The following SCO1 variants were observed in gnomAD, a reference collection of about 807,000 sequenced individuals.
SCO1 encodes cytochrome c oxidase assembly factor SCO1.
In SCO1, 23 loss-of-function variants were observed where a neutral mutation model predicts 34.0. The observed-to-expected ratio is 0.68, with a 90% CI of 0.49 to 0.96. SCO1 has a LOEUF of 0.96. Among genes scored for constraint, SCO1 ranks in the 40% least tolerant of loss-of-function variants. The pLI is 0.00. For synonymous variants in SCO1, 161 were observed against 145.5 expected, an observed-to-expected ratio of 1.11 and a Z score of -0.77; for missense variants, 404 against 381.6, an observed-to-expected ratio of 1.06 and a Z score of -0.49.
chr17:10,672,705 T>C lies in SCO1; in HGVS notation c.*8414A>G, dbSNP rs1467853606. 6.6e-6 allele frequency: 1 copy of C among 152,242 alleles called. No individual in the cohort carries two copies. The highest frequency in any genetic ancestry group is 1.9e-4 in the East Asian group (1 of 5,200). 9.4% of individuals were successfully genotyped at this position (152,242 alleles called of 1,614,324 possible). A position where few individuals can be genotyped will look rare whatever the true frequency, so the allele number is the denominator to read the frequency against. On this transcript the variant is annotated 3_prime_UTR_variant, in exon 6 of 6. Coordinates refer to ENST00000255390, the MANE Select transcript of SCO1 (RefSeq NM_004589.4). ...TCAGGAGAAAACTGACATATTTACATTGAGTCTTCTCACCAAGGAACAAAC... is the reference window on the plus strand; with the variant it reads ...TCAGGAGAAAACTGACATATTTACACTGAGTCTTCTCACCAAGGAACAAAC...
chr17:10,697,274 C>G lies in SCO1; in HGVS notation c.234G>C (p.Gln78His). 2 of 1,567,432 alleles carry G rather than the reference C, an allele frequency of 1.3e-6. No homozygotes were observed. The highest frequency in any genetic ancestry group is 2.3e-5 in the South Asian group (2 of 85,748). The change falls in exon 1 of 6, where the codon CAG (glutamine) becomes CAC (histidine). Residue 78 changes from glutamine to histidine, a missense_variant. Gln to His is a conservative substitution (Grantham distance 24, BLOSUM62 0). Transcript: ENST00000255390. The part of the protein sequence containing the change: ...STARPPPPWS[Q>H]KGPGDSTRPS... ...GGCGCGTGGAGTCTCCGGGGCCCTT[C>G]TGCGACCACGGGGGTGGCGGCCTCG...
chr17:10,674,411 A>G lies in SCO1; in HGVS notation c.*6708T>C. ...ACTGCTCTCCAGCCTAGGCAACAAG[A>G]GCGAAACTCCATCTCAAAACAAACA... On this transcript the variant is annotated 3_prime_UTR_variant, in exon 6 of 6. Coordinates refer to ENST00000255390, the MANE Select transcript of SCO1 (RefSeq NM_004589.4). 3.5e-6 allele frequency: 1 copy of G among 283,728 alleles called. No homozygotes were observed. The highest frequency in any genetic ancestry group is 7.0e-6 in the Non-Finnish European group (1 of 142,394). The allele number at this position is 283,728 out of a possible 1,614,324, so 17.6% of individuals were successfully genotyped here. A position where few individuals can be genotyped will look rare whatever the true frequency, so the allele number is the denominator to read the frequency against.
At chr17:10,693,415 A>G (rs2074702316) in intron 2 of SCO1, among the ~76,000 whole-genome samples, 1 of 152,200 alleles carries the variant, frequency 6.6e-6, no homozygotes, top group African/African-American at 2.4e-5. Context: ...GATGAAATAA[A>G]TGAGTATATT....
Position 10,695,737 on chromosome 17 carries a change from T to C in SCO1, c.364+4A>G. 6.3e-7 allele frequency: 1 copy of C among 1,599,714 alleles called. No individual in the cohort carries two copies. The highest frequency in any genetic ancestry group is 2.2e-5 in the East Asian group (1 of 44,782). Reference sequence around the variant, plus strand: ...CAGGGCTGAGCAGATGATAATCTACTTACTCTCTGCCTTTTCTTTCTTGAC... The same window carrying C: ...CAGGGCTGAGCAGATGATAATCTACCTACTCTCTGCCTTTTCTTTCTTGAC... On this transcript the variant is annotated splice_donor_region_variant and intron_variant, in intron 2 of 5. Transcript: ENST00000255390.
intron 5 of SCO1, among the ~76,000 whole-genome samples, chr17:10,685,631 G>A (rs2074650975): frequency 1.3e-5 from 2 of 152,174 alleles, no homozygotes; most frequent in South Asian, 4.1e-4. Flanking sequence ...TAGTCAATGG[G>A]CAAATAAACC....
chr17:10,691,388 T>C (rs1039269811), intron 4 of SCO1, among the ~76,000 whole-genome samples: 2 of 152,340 alleles, frequency 1.3e-5, no homozygotes, highest in Non-Finnish European at 2.9e-5. Flanking sequence ...CCCAAAGTGC[T>C]GGGATTACAG....
At chr17:10,689,874 A>G (rs994282497) in intron 4 of SCO1, among the ~76,000 whole-genome samples, 5 of 152,326 alleles carry the variant, frequency 3.3e-5, no homozygotes, top group African/African-American at 1.2e-4. Flanking sequence ...ACACAGACCA[A>G]TGGAACAGAA....
At position 10,697,462 on chromosome 17, in the gene SCO1, C is replaced by T. The variant is rs2074739161; in HGVS notation, c.46G>A (p.Gly16Ser). 1.2e-6 allele frequency: 2 copies of T among 1,613,354 alleles called. No individual in the cohort carries two copies. The highest frequency in any genetic ancestry group is 1.7e-6 in the Non-Finnish European group (2 of 1,179,878). ...LVPGRVMRPL[G>S]GQLWRFLPRG... ...GGCAAGAAGCGCCAAAGTTGGCCACCCAGAGGCCGCATAACTCGTCCGGGT... is the reference window on the plus strand; with the variant it reads ...GGCAAGAAGCGCCAAAGTTGGCCACTCAGAGGCCGCATAACTCGTCCGGGT... Residue 16 changes from glycine to serine, a missense_variant, in exon 1 of 6, where the codon GGT becomes AGT. Physicochemically the swap from Gly to Ser is moderately conservative, Grantham distance 56. Coordinates refer to ENST00000255390, the MANE Select transcript of SCO1 (RefSeq NM_004589.4).
At chr17:10,688,243 T>C (rs2074669020) in intron 4 of SCO1, among the ~76,000 whole-genome samples, 1 of 152,180 alleles carries the variant, frequency 6.6e-6, no homozygotes, top group Non-Finnish European at 1.5e-5. Context: ...GCAGAAAATA[T>C]TTGCAAATCA....
At chr17:10,683,736 T>TTA (rs201902186) in intron 5 of SCO1, among the ~76,000 whole-genome samples, 8 of 149,754 alleles carry the variant, frequency 5.3e-5, no homozygotes, top group African/African-American at 7.3e-5. Context: ...TAATATAGTA[T>TTA]TATATATATA....
rs2074617259 is a variant in SCO1 at position 10,680,875 on chromosome 17, C to T, written c.*244G>A. ...GGTGGGCTCTTCACTGGCTTCACTTCAGCTTGATCCTCTGGTCTCCCCACA... is the reference window on the plus strand; with the variant it reads ...GGTGGGCTCTTCACTGGCTTCACTTTAGCTTGATCCTCTGGTCTCCCCACA... On this transcript the variant is annotated 3_prime_UTR_variant, in exon 6 of 6. Coordinates refer to ENST00000255390, the MANE Select transcript of SCO1 (RefSeq NM_004589.4). The T allele has an allele frequency of 1.8e-6, 1 of 543,174 alleles. No homozygotes were observed. Among genetic ancestry groups the T allele is most frequent in the African/African-American group, 1.9e-5 (1 of 52,774 alleles). The allele number at this position is 543,174 out of a possible 1,614,324, so 33.6% of individuals were successfully genotyped here.
chr17:10,688,943 C>T lies in SCO1; in HGVS notation c.656-2101G>A, dbSNP rs535217207. 1.6e-3 allele frequency among the ~76,000 whole-genome samples: 231 copies of T among 144,388 alleles called. 19 individuals are homozygous for T. The highest frequency in any genetic ancestry group is 6.2e-3 in the African/African-American group (216 of 34,654). 94.7% of individuals were successfully genotyped at this position (144,388 alleles called of 152,430 possible). On this transcript the variant is annotated intron_variant, in intron 4 of 5. Transcript: ENST00000255390. ...CATCCCGGCTAAAACGGTGAAACCC[C>T]GTCTCTACTAAAAATACAAAAAATT...
rs999062010 is a variant in SCO1 at position 10,679,332 on chromosome 17, C to G, written c.*1787G>C. On this transcript the variant is annotated 3_prime_UTR_variant, in exon 6 of 6. Coordinates refer to ENST00000255390, the MANE Select transcript of SCO1 (RefSeq NM_004589.4). ...TTAATTTAACTATCTCTCTAAAGAC[C>G]CTATCTCCAATTACAGTCACATTCT... 6.6e-6 allele frequency: 1 copy of G among 152,176 alleles called. No homozygotes were observed. The highest frequency in any genetic ancestry group is 2.1e-4 in the South Asian group (1 of 4,828). 9.4% of individuals were successfully genotyped at this position (152,176 alleles called of 1,614,324 possible).
intron 2 of SCO1, 115 bp from the exon 3 acceptor site, chr17:10,693,076 G>C: frequency 1.2e-6 from 1 of 822,574 alleles, no homozygotes; most frequent in Non-Finnish European, 2.0e-6. Flanking sequence ...ACAAAATGTG[G>C]AAAAAACAGT....
chr17:10,693,013 A>C lies in SCO1; in HGVS notation c.365-52T>G, dbSNP rs552059976. On this transcript the variant is annotated intron_variant, in intron 2 of 5. Transcript: ENST00000255390. ...CCAAAAAAAAAGTCAATTTAACCAG[A>C]GGTACTCAAATACCTGACATATGGC... is the stretch of plus-strand genomic sequence containing the variant. The C allele has an allele frequency of 1.0e-4, 152 of 1,523,078 alleles. 2 individuals carry two copies. The highest frequency in any genetic ancestry group is 3.6e-6 in the Non-Finnish European group (4 of 1,097,964). 94.3% of individuals were successfully genotyped at this position (1,523,078 alleles called of 1,614,324 possible).
At chr17:10,681,698 T>C (rs894652545) in intron 5 of SCO1, among the ~76,000 whole-genome samples, 2 of 152,200 alleles carry the variant, frequency 1.3e-5, no homozygotes, top group Non-Finnish European at 2.9e-5. Flanking sequence ...GAATTAAGTG[T>C]TGGTGAAAAA....
In SCO1 at chr17:10,692,973, A is replaced by C; in HGVS notation, c.365-12T>G. 6.2e-7 allele frequency: 1 copy of C among 1,613,514 alleles called. No individual in the cohort carries two copies. The highest frequency in any genetic ancestry group is 8.5e-7 in the Non-Finnish European group (1 of 1,179,438). On this transcript the variant is annotated splice_polypyrimidine_tract_variant and intron_variant, in intron 2 of 5. Coordinates refer to ENST00000255390, the MANE Select transcript of SCO1 (RefSeq NM_004589.4). The stretch of plus-strand genomic sequence containing the variant: ...TTCCTTCTCTAACTCTTAAGGAGAC[A>C]AAAACATATCGACACCAAAAAAAAA...
Position 10,695,747 on chromosome 17 carries a change from C to A in SCO1, c.358G>T (p.Ala120Ser), listed in dbSNP as rs762261772. Reference protein sequence around the residue: ...AGMKHVKKEKAEKLEKERQRH... With the variant: ...AGMKHVKKEKSEKLEKERQRH... ...CAGATGATAATCTACTTACTCTCTG[C>A]CTTTTCTTTCTTGACGTGCTTCATT... The change falls in exon 2 of 6, where the codon GCA becomes TCA. Residue 120 changes from alanine to serine, a missense_variant. Ala to Ser is a moderately conservative substitution (Grantham distance 99). Transcript: ENST00000255390. 1.5e-5 allele frequency: 24 copies of A among 1,608,802 alleles called. No homozygotes were observed. The Admixed American group carries it at 2.0e-4, about 13-fold the overall frequency.
Position 10,697,385 on chromosome 17 carries a change from C to G in SCO1, c.123G>C (p.Leu41=). 2 of 1,601,890 alleles carry G rather than the reference C, an allele frequency of 1.2e-6. No homozygotes were observed. Among genetic ancestry groups the G allele is most frequent in the Non-Finnish European group, 1.7e-6 (2 of 1,174,248 alleles). Residue 41 remains leucine (L), a synonymous_variant, in exon 1 of 6, where the codon CTG becomes CTC. Transcript: ENST00000255390. ...CCGCTTGCCGCGCGCAGAACTGCCT[C>G]AGCAAGACTCTCGCAGTCCCCTCGG... The part of the protein sequence containing the change: ...GPAEGTARVL[L]RQFCARQAEA...
Sources: gnomAD v4.1 joint callset for allele counts (sites outside exome capture counted in the v4.1 genomes callset) on GRCh38, gnomAD v4.1.1 for gene constraint, MANE v1.5 for transcripts, NCBI Gene and HGNC (gene_info 2026-07-23, HGNC 2026-07-21) for gene names.